BRINP1: variants seen among roughly 807,000 people sequenced by gnomAD.
The protein encoded by BRINP1 is BMP/retinoic acid-inducible neural-specific protein 1.
A neutral mutation model predicts 72.9 loss-of-function variants in BRINP1; 17 were observed. The observed-to-expected ratio is 0.23, with a 90% CI of 0.16 to 0.35. The LOEUF (loss-of-function observed/expected upper bound fraction) is 0.35, where lower values mean the gene tolerates loss of function less well. Ranked by LOEUF, BRINP1 falls within the 10% of genes least tolerant of loss-of-function variation. BRINP1 has a pLI of 1.00. For missense variants in BRINP1, 850 were observed against 1,001.6 expected (o/e 0.85, Z 2.04); for synonymous variants, 418 against 378.5 (o/e 1.10, Z -1.21).
intron 2 of BRINP1, among the ~76,000 whole-genome samples, chr9:119,289,909 C>T (rs1285562827): frequency 6.6e-6 from 1 of 152,176 alleles, no homozygotes; most frequent in African/African-American, 2.4e-5. Flanking sequence ...TCATTATTAT[C>T]TCTTGACTGG....
intron 2 of BRINP1, among the ~76,000 whole-genome samples, chr9:119,257,777 C>G (rs1406562573): frequency 6.6e-6 from 1 of 152,126 alleles, no homozygotes; most frequent in African/African-American, 2.4e-5. Context: ...ACTCGCTCCC[C>G]ACACGATCCT....
intron 1 of BRINP1, among the ~76,000 whole-genome samples, chr9:119,346,504 A>T (rs1004548574): frequency 1.3e-5 from 2 of 152,234 alleles, no homozygotes; most frequent in African/African-American, 4.8e-5. Flanking sequence ...GTCAGGGCAT[A>T]ACATCAAAAT....
intron 7 of BRINP1, among the ~76,000 whole-genome samples, chr9:119,193,160 ATAGT>A (rs892619348): frequency 2.6e-5 from 4 of 151,952 alleles, no homozygotes; most frequent in African/African-American, 7.3e-5. Flanking sequence ...TTTTTTATCG[ATAGT>A]TGGTTGAATT....
intron 7 of BRINP1, among the ~76,000 whole-genome samples, chr9:119,199,143 T>A (rs1829777488): frequency 6.6e-6 from 1 of 151,946 alleles, no homozygotes; most frequent in African/African-American, 2.4e-5. Flanking sequence ...CTTTTGGAGG[T>A]CACACATCTA....
intron 5 of BRINP1, among the ~76,000 whole-genome samples, chr9:119,227,326 TC>T (rs1830101838): frequency 6.6e-6 from 1 of 152,084 alleles, no homozygotes; most frequent in Non-Finnish European, 1.5e-5. Flanking sequence ...TTAAATCTTC[TC>T]TGCCCATCCT....
In BRINP1 at chr9:119,233,022, C is replaced by CTT. The variant is rs113144460; in HGVS notation, c.685+5631_685+5632dup. On this transcript the variant is annotated intron_variant, in intron 5 of 7. Coordinates refer to ENST00000265922, the MANE Select transcript of BRINP1 (RefSeq NM_014618.3). Reference sequence around the variant, plus strand: ...CTAATCTCCTCCAATCCTGTTCTTTCTTTTTTTTTTTCTATTTTGCTTTAC... The same window carrying CTT: ...CTAATCTCCTCCAATCCTGTTCTTTCTTTTTTTTTTTTTCTATTTTGCTTTAC... Among the ~76,000 whole-genome samples, 449 of 147,558 alleles carry CTT rather than the reference C, an allele frequency of 3.0e-3. 3 individuals are homozygous for CTT. The highest frequency in any genetic ancestry group is 5.5e-3 in the Admixed American group (81 of 14,762).
At chr9:119,183,360 A>G (rs1440112662) in intron 7 of BRINP1, among the ~76,000 whole-genome samples, 1 of 152,232 alleles carries the variant, frequency 6.6e-6, no homozygotes, top group African/African-American at 2.4e-5. Flanking sequence ...ATCTCCATTT[A>G]GAAAGATGAA....
chr9:119,286,994 C>T (rs2118968583), intron 2 of BRINP1, among the ~76,000 whole-genome samples: 1 of 151,724 alleles, frequency 6.6e-6, no homozygotes, highest in African/African-American at 2.4e-5. Context: ...TTCCAAATCA[C>T]CAAATAGTCT....
intron 2 of BRINP1, among the ~76,000 whole-genome samples, chr9:119,297,386 C>T (rs569273363): frequency 7.2e-5 from 11 of 152,180 alleles, no homozygotes; most frequent in South Asian, 4.1e-4. Context: ...CCAGTGGTAA[C>T]GAGCACAGAC....
At chr9:119,302,828 C>T (rs79494579) in intron 2 of BRINP1, among the ~76,000 whole-genome samples, 4,226 of 152,116 alleles carry the variant, frequency 0.028, 202 homozygotes, top group African/African-American at 0.096. Context: ...ACTATTACTC[C>T]ATTTTATATT....
chr9:119,240,439 T>C (rs955736932), intron 4 of BRINP1, among the ~76,000 whole-genome samples: 1 of 152,196 alleles, frequency 6.6e-6, no homozygotes, highest in Admixed American at 6.5e-5. Flanking sequence ...GCAATTTCTC[T>C]GAGAAATTCC....
At chr9:119,201,374 C>A (rs895298572) in intron 7 of BRINP1, among the ~76,000 whole-genome samples, 12 of 152,164 alleles carry the variant, frequency 7.9e-5, no homozygotes, top group African/African-American at 2.4e-4. Flanking sequence ...AATGTTATGT[C>A]TCTTAGAGTT....
chr9:119,234,989 T>G lies in BRINP1; in HGVS notation c.685+3666A>C, dbSNP rs1013149262. ...TTCACCCAATTGTCTAAATTCTATA[T>G]GGTCTTTTCACTAAATCCTCGTCAT... On this transcript the variant is annotated intron_variant, in intron 5 of 7. Transcript: ENST00000265922. 2.2e-4 allele frequency among the ~76,000 whole-genome samples: 33 copies of G among 152,158 alleles called. 1 individual carries two copies.
chr9:119,348,145 C>G (rs773274401), intron 1 of BRINP1, among the ~76,000 whole-genome samples: 23 of 152,218 alleles, frequency 1.5e-4, no homozygotes, highest in Non-Finnish European at 3.1e-4. Context: ...CCCATTCTCC[C>G]TTGATAACTA....
intron 6 of BRINP1, among the ~76,000 whole-genome samples, chr9:119,209,946 G>T (rs1829905407): frequency 6.6e-6 from 1 of 152,218 alleles, no homozygotes; most frequent in South Asian, 2.1e-4. Context: ...TTAAGAGATG[G>T]TGACAAACTC....
intron 7 of BRINP1, among the ~76,000 whole-genome samples, chr9:119,187,670 T>G (rs1021243510): frequency 7.2e-5 from 11 of 152,032 alleles, no homozygotes; most frequent in Non-Finnish European, 1.5e-5. Context: ...CAAGGAAACA[T>G]GACACCACCA....
At chr9:119,284,659 C>T (rs1830742356) in intron 2 of BRINP1, among the ~76,000 whole-genome samples, 1 of 152,110 alleles carries the variant, frequency 6.6e-6, no homozygotes, top group Non-Finnish European at 1.5e-5. Flanking sequence ...GGACCAATTT[C>T]CATTTTTTCA....
intron 2 of BRINP1, among the ~76,000 whole-genome samples, chr9:119,250,494 A>G (rs7868691): frequency 0.012 from 1,768 of 152,276 alleles, 27 homozygotes; most frequent in African/African-American, 0.04. Flanking sequence ...ATAAAATTCA[A>G]TTATCTATTT....
chr9:119,356,383 T>C (rs1458466866), intron 1 of BRINP1, among the ~76,000 whole-genome samples: 3 of 152,246 alleles, frequency 2.0e-5, no homozygotes, highest in Non-Finnish European at 4.4e-5. Context: ...TGTTTACTTC[T>C]TTATTTATAA....
Sources: allele counts gnomAD v4.1 joint callset (sites outside exome capture counted in the v4.1 genomes callset), GRCh38; gene constraint gnomAD v4.1.1; transcripts MANE v1.5; gene names NCBI Gene and HGNC (gene_info 2026-07-23, HGNC 2026-07-21).